Variants in RORA observed in about 807,000 individuals in gnomAD.
RORA encodes nuclear receptor ROR-alpha.
In RORA, 7 loss-of-function variants were observed where a neutral mutation model predicts 69.5. The ratio of observed to expected loss-of-function variants is 0.10; its 90% CI spans 0.06 to 0.19. The LOEUF (loss-of-function observed/expected upper bound fraction) is 0.19. Among genes scored for constraint, RORA ranks in the 10% least tolerant of loss-of-function variants. The pLI is 1.00. For missense variants in RORA, 457 were observed against 663.0 expected, an observed-to-expected ratio of 0.69 and a Z score of 3.41; for synonymous variants, 261 against 240.8, an observed-to-expected ratio of 1.08 and a Z score of -0.78.
chr15:61,028,871 C>T (rs72754755), intron 1 of RORA, among the ~76,000 whole-genome samples: 1 of 152,236 alleles, frequency 6.6e-6, no homozygotes, highest in African/African-American at 2.4e-5. Flanking sequence ...GGGAAAGATG[C>T]CACAGTATTG....
chr15:60,609,216 G>C (rs2069025626), intron 2 of RORA, among the ~76,000 whole-genome samples: 1 of 152,116 alleles, frequency 6.6e-6, no homozygotes, highest in Non-Finnish European at 1.5e-5. Context: ...TTATCATTTG[G>C]CATCTCTGCT....
rs1209689223 is a variant in RORA, at chr15:60,819,480, G to A, written c.167-140794C>T. On this transcript the variant is annotated intron_variant, in intron 1 of 10. Coordinates refer to ENST00000335670, the MANE Select transcript of RORA (RefSeq NM_134261.3). Reference sequence around the variant, plus strand: ...CCTGGGCCTGCCTTTGTAAAGGGAAGGGAGAGAACTAAAAACCTATCAGTG... The same window carrying A: ...CCTGGGCCTGCCTTTGTAAAGGGAAAGGAGAGAACTAAAAACCTATCAGTG... 4.6e-5 allele frequency among the ~76,000 whole-genome samples: 7 copies of A among 152,244 alleles called. No homozygotes were observed. The East Asian group carries it at 1.4e-3, about 29-fold the overall frequency.
At chr15:60,943,396 G>A (rs1246990575) in intron 1 of RORA, among the ~76,000 whole-genome samples, 1 of 151,368 alleles carries the variant, frequency 6.6e-6, no homozygotes, top group East Asian at 1.9e-4. Flanking sequence ...TCACTCTTCT[G>A]AGGCACTCTT....
chr15:60,848,786 T>C (rs1184140245), intron 1 of RORA: 1 of 152,206 alleles, frequency 6.6e-6, no homozygotes, highest in Non-Finnish European at 1.5e-5. Flanking sequence ...CCAGATCTCA[T>C]GAGAACTCAC....
At chr15:60,575,751 AT>A (rs1190182396) in intron 2 of RORA, among the ~76,000 whole-genome samples, 2 of 152,244 alleles carry the variant, frequency 1.3e-5, no homozygotes, top group Non-Finnish European at 2.9e-5. Flanking sequence ...AACTTAGCTT[AT>A]AAAATTTATT....
At chr15:60,959,790 C>A (rs1893365298) in intron 1 of RORA, among the ~76,000 whole-genome samples, 1 of 152,166 alleles carries the variant, frequency 6.6e-6, no homozygotes, top group Non-Finnish European at 1.5e-5. Context: ...ACTGCTGCAT[C>A]CCATGATCCT....
intron 1 of RORA, among the ~76,000 whole-genome samples, chr15:60,881,008 A>G (rs958034311): frequency 3.3e-5 from 5 of 152,152 alleles, no homozygotes; most frequent in African/African-American, 9.7e-5. Flanking sequence ...AGACCCCATT[A>G]TGGACTCCTC....
chr15:60,989,484 T>C (rs1264621839), intron 1 of RORA, among the ~76,000 whole-genome samples: 1 of 152,264 alleles, frequency 6.6e-6, no homozygotes, highest in African/African-American at 2.4e-5. Flanking sequence ...GATATTTGGA[T>C]GGTTTCTGCT....
intron 1 of RORA, among the ~76,000 whole-genome samples, chr15:61,012,130 C>T (rs1407659239): frequency 1.3e-5 from 2 of 152,226 alleles, no homozygotes; most frequent in Non-Finnish European, 2.9e-5. Flanking sequence ...TACTGTGAGG[C>T]TCTGTGCCTC....
At chr15:61,176,632 T>C (rs748291417) in intron 1 of RORA, among the ~76,000 whole-genome samples, 6 of 152,134 alleles carry the variant, frequency 3.9e-5, no homozygotes, top group Non-Finnish European at 7.4e-5. Flanking sequence ...ATTATTCTTA[T>C]CAACTGCTTA....
intron 2 of RORA, among the ~76,000 whole-genome samples, chr15:60,617,130 G>A (rs989154541): frequency 5.9e-5 from 9 of 152,194 alleles, no homozygotes; most frequent in Non-Finnish European, 1.0e-4. Flanking sequence ...ATGATGATAT[G>A]TATTCTTTAC....
At chr15:60,984,463 T>C (rs1217712601) in intron 1 of RORA, among the ~76,000 whole-genome samples, 1 of 151,536 alleles carries the variant, frequency 6.6e-6, no homozygotes, top group African/African-American at 2.4e-5. Flanking sequence ...TAATTACTAC[T>C]GACAGTTACC....
At chr15:60,601,567 T>TA (rs1370728198) in intron 2 of RORA, among the ~76,000 whole-genome samples, 2 of 152,074 alleles carry the variant, frequency 1.3e-5, no homozygotes, top group Non-Finnish European at 2.9e-5. Flanking sequence ...GTTAAAAAGG[T>TA]AAAAAAATAA....
intron 1 of RORA, among the ~76,000 whole-genome samples, chr15:60,930,833 C>A (rs1892353249): frequency 6.6e-6 from 1 of 152,192 alleles, no homozygotes; most frequent in Admixed American, 6.5e-5. Flanking sequence ...AATCATTTAT[C>A]TCTGAGCCAA....
intron 1 of RORA, among the ~76,000 whole-genome samples, chr15:60,726,431 T>C (rs1356229193): frequency 1.3e-5 from 2 of 152,186 alleles, no homozygotes; most frequent in African/African-American, 4.8e-5. Flanking sequence ...ATTGAGCACC[T>C]ACTGTGTGCA....
At position 60,757,295 on chromosome 15, in the gene RORA, C is replaced by T. The variant is rs145363121; in HGVS notation, c.167-78609G>A. ...CTTTCCTTTTCTACTTTCTTCTTTT[C>T]CTCAAATCCATAAACATTATCAGGT... On this transcript the variant is annotated intron_variant, in intron 1 of 10. Transcript: ENST00000335670. Among the ~76,000 whole-genome samples, 700 of 152,128 alleles carry T rather than the reference C, an allele frequency of 4.6e-3. 7 individuals are homozygous for T. The highest frequency in any genetic ancestry group is 0.016 in the African/African-American group (680 of 41,480).
chr15:60,594,611 G>C (rs2068627541), intron 2 of RORA, among the ~76,000 whole-genome samples: 1 of 152,186 alleles, frequency 6.6e-6, no homozygotes, highest in Non-Finnish European at 1.5e-5. Context: ...ACTCCAAGGT[G>C]AATAATCTGA....
chr15:60,857,500 A>T (rs1234295252), intron 1 of RORA, among the ~76,000 whole-genome samples: 2 of 152,102 alleles, frequency 1.3e-5, no homozygotes, highest in African/African-American at 4.8e-5. Flanking sequence ...CACTCAGCCA[A>T]AGTGACTGAT....
At chr15:60,837,003 A>G (rs2073125322) in intron 1 of RORA, among the ~76,000 whole-genome samples, 1 of 150,728 alleles carries the variant, frequency 6.6e-6, no homozygotes, top group Admixed American at 6.6e-5. Context: ...CCCTAAACTC[A>G]TGCTCACATA....
Sources: allele counts gnomAD v4.1 joint callset (sites outside exome capture counted in the v4.1 genomes callset), GRCh38; gene constraint gnomAD v4.1.1; transcripts MANE v1.5; gene names NCBI Gene and HGNC (gene_info 2026-07-23, HGNC 2026-07-21).